ADAM12: variants seen among roughly 807,000 people sequenced by gnomAD.
The protein encoded by ADAM12 is ADAM metallopeptidase domain 12, also known as disintegrin and metalloproteinase domain-containing protein 12.
In ADAM12, 70 loss-of-function variants were observed where a neutral mutation model predicts 106.4. That is an observed-to-expected ratio of 0.66 (90% CI 0.54 to 0.80). The LOEUF is 0.80. Ranked by LOEUF, ADAM12 falls within the 30% of genes least tolerant of loss-of-function variation. The probability of loss-of-function intolerance (pLI) is 0.00; values close to 1 mark genes in which losing one functional copy is unlikely to be tolerated. For missense variants in ADAM12, 1,010 were observed against 1,171.9 expected, an observed-to-expected ratio of 0.86 and a Z score of 2.02; for synonymous variants, 420 against 433.5, an observed-to-expected ratio of 0.97 and a Z score of 0.39.
intron 3 of ADAM12, among the ~76,000 whole-genome samples, chr10:126,228,006 A>G (rs1008933159): frequency 1.3e-5 from 2 of 152,074 alleles, no homozygotes; most frequent in African/African-American, 4.8e-5. Flanking sequence ...CCCCTGGATC[A>G]GGGTATGTCT....
At chr10:126,255,610 C>A (rs781134590) in intron 3 of ADAM12, among the ~76,000 whole-genome samples, 5 of 152,216 alleles carry the variant, frequency 3.3e-5, no homozygotes, top group Non-Finnish European at 7.3e-5. Context: ...AATAGTACAA[C>A]CTCGCTTTAT....
chr10:126,118,926 C>T (rs909840578), intron 5 of ADAM12, among the ~76,000 whole-genome samples: 1 of 152,146 alleles, frequency 6.6e-6, no homozygotes, highest in African/African-American at 2.4e-5. Flanking sequence ...CCAAGTTGCT[C>T]CAAAAGCCAT....
intron 3 of ADAM12, among the ~76,000 whole-genome samples, chr10:126,183,370 G>T (rs1203569073): frequency 1.3e-5 from 2 of 152,182 alleles, no homozygotes; most frequent in Non-Finnish European, 2.9e-5. Context: ...CCTGGTGCTA[G>T]AAGGGTTGGG....
Position 126,016,148 on chromosome 10 carries a change from C to T in ADAM12, c.*1131G>A, listed in dbSNP as rs1466187211. On this transcript the variant is annotated 3_prime_UTR_variant, in exon 23 of 23. Coordinates refer to ENST00000448723, the MANE Select transcript of ADAM12 (RefSeq NM_001288973.2). The stretch of plus-strand genomic sequence containing the variant: ...GAGAAGGTTCTTTGTCCAATATCTA[C>T]GAATAATGATAGCAGACATGAACTA... 3.3e-5 allele frequency: 5 copies of T among 152,108 alleles called. No homozygotes were observed. The highest frequency in any genetic ancestry group is 2.1e-4 in the South Asian group (1 of 4,828). 9.4% of individuals were successfully genotyped at this position (152,108 alleles called of 1,614,324 possible).
At chr10:126,198,591 A>G (rs1006958666) in intron 3 of ADAM12, among the ~76,000 whole-genome samples, 1 of 152,184 alleles carries the variant, frequency 6.6e-6, no homozygotes, top group African/African-American at 2.4e-5. Flanking sequence ...ACAGAGATCC[A>G]GCACCTCCCC....
chr10:126,138,515 C>A (rs975804092), intron 4 of ADAM12, among the ~76,000 whole-genome samples: 26 of 152,300 alleles, frequency 1.7e-4, no homozygotes, highest in African/African-American at 6.0e-4. Context: ...ACTGGGATTA[C>A]AGGCACATGC....
In ADAM12 at chr10:126,043,240, C is replaced by G. The variant is rs939528848; in HGVS notation, c.1996-92G>C. 1.3e-5 allele frequency: 15 copies of G among 1,193,310 alleles called. No homozygotes were observed. Among genetic ancestry groups the G allele is most frequent in the East Asian group, 2.5e-5 (1 of 39,848 alleles). The allele number at this position is 1,193,310 out of a possible 1,614,324, so 73.9% of individuals were successfully genotyped here. On this transcript the variant is annotated intron_variant, in intron 17 of 22. Coordinates refer to ENST00000448723, the MANE Select transcript of ADAM12 (RefSeq NM_001288973.2). This position sits in a 1 kb window ranked among gnomAD's most constrained non-coding sequence, Gnocchi z 4.1. ...AAGGGGGGCCATGGTCAGAGCCCCC[C>G]CCCAACACTGACACAGCCAGACTCA...
chr10:126,367,865 A>G (rs1161942188), intron 1 of ADAM12, among the ~76,000 whole-genome samples: 2 of 151,996 alleles, frequency 1.3e-5, no homozygotes, highest in Non-Finnish European at 2.9e-5. Context: ...AGAGAGAAAT[A>G]ATAACAATCT....
At position 126,064,708 on chromosome 10, in the gene ADAM12, A is replaced by C; in HGVS notation, c.1609+98T>G. 7.7e-7 allele frequency: 1 copy of C among 1,304,028 alleles called. No homozygotes were observed. The highest frequency in any genetic ancestry group is 1.0e-6 in the Non-Finnish European group (1 of 954,406). 80.8% of individuals were successfully genotyped at this position (1,304,028 alleles called of 1,614,324 possible). The stretch of plus-strand genomic sequence containing the variant: ...GGATGCTGTGTGGACAGCGCCCGCC[A>C]GGAGTGGGGGCTAACCAAAACAGAG... On this transcript the variant is annotated intron_variant, in intron 14 of 22. Transcript: ENST00000448723. The surrounding 1 kb of genome is among the most constrained non-coding windows in gnomAD (Gnocchi z 4.4).
chr10:126,037,907 G>A (rs540752843), intron 20 of ADAM12, among the ~76,000 whole-genome samples: 115 of 152,358 alleles, frequency 7.5e-4, no homozygotes, highest in Non-Finnish European at 1.9e-4. Flanking sequence ...GGGGGCTGGT[G>A]TCAGGAGCCA....
At position 126,049,784 on chromosome 10, in the gene ADAM12, G is replaced by A; in HGVS notation, c.1610-115C>T. 1.1e-6 allele frequency: 1 copy of A among 925,604 alleles called. No homozygotes were observed. The highest frequency in any genetic ancestry group is 1.6e-6 in the Non-Finnish European group (1 of 615,840). The allele number at this position is 925,604 out of a possible 1,614,324, so 57.3% of individuals were successfully genotyped here. A position where few individuals can be genotyped will look rare whatever the true frequency, so the allele number is the denominator to read the frequency against. On this transcript the variant is annotated intron_variant, in intron 14 of 22. Coordinates refer to ENST00000448723, the MANE Select transcript of ADAM12 (RefSeq NM_001288973.2). The surrounding 1 kb of genome is among the most constrained non-coding windows in gnomAD (Gnocchi z 4.4). ...CGTGCTCAAAGCAATCACACCCAGT[G>A]TCTGTCCCGACTCATGGTGGGAGCT...
chr10:126,133,619 T>G (rs1956348588), intron 5 of ADAM12, among the ~76,000 whole-genome samples: 1 of 151,994 alleles, frequency 6.6e-6, no homozygotes, highest in Non-Finnish European at 1.5e-5. Flanking sequence ...TCAGACCACA[T>G]CACTTCAGCT....
rs557857678 is a variant in ADAM12 at position 126,164,974 on chromosome 10, C to T, written c.261-9669G>A. Among the ~76,000 whole-genome samples the T allele has an allele frequency of 2.6e-5, 4 of 152,314 alleles. No homozygotes were observed. The South Asian group carries it at 6.2e-4, about 24-fold the overall frequency. On this transcript the variant is annotated intron_variant, in intron 3 of 22. Transcript: ENST00000448723. ...GCTCAAACTTCTTTCAGAACCTTGT[C>T]TTTGCAAATATTTATGCTTCTTTTT... is the stretch of plus-strand genomic sequence containing the variant.
intron 13 of ADAM12, among the ~76,000 whole-genome samples, chr10:126,065,639 T>G (rs1427836637): frequency 1.3e-5 from 2 of 152,118 alleles, no homozygotes; most frequent in Admixed American, 1.3e-4. Context: ...GCTACACAGC[T>G]AGGGAACCCT....
At chr10:126,047,896 C>T (rs1401503261) in intron 16 of ADAM12, among the ~76,000 whole-genome samples, 2 of 152,148 alleles carry the variant, frequency 1.3e-5, no homozygotes, top group Non-Finnish European at 2.9e-5. Context: ...TCAAACTAAA[C>T]GTCCATCAAT....
chr10:126,239,972 C>A (rs1461616772), intron 3 of ADAM12, among the ~76,000 whole-genome samples: 1 of 152,180 alleles, frequency 6.6e-6, no homozygotes, highest in Non-Finnish European at 1.5e-5. Flanking sequence ...TGCCGTGCCC[C>A]CTGCCCTCCT....
chr10:126,222,675 G>A (rs189088196), intron 3 of ADAM12, among the ~76,000 whole-genome samples: 12 of 152,000 alleles, frequency 7.9e-5, no homozygotes, highest in Admixed American at 1.3e-4. Context: ...CTGCGTTTCC[G>A]GGGTGTTTTC....
chr10:126,039,754 G>C (rs1468144397), intron 18 of ADAM12, among the ~76,000 whole-genome samples: 1 of 152,198 alleles, frequency 6.6e-6, no homozygotes, highest in Non-Finnish European at 1.5e-5. Context: ...AAGGTAGCAG[G>C]GAGCCATCAC....
chr10:126,067,205 A>C (rs961179890), intron 12 of ADAM12, among the ~76,000 whole-genome samples: 2 of 152,252 alleles, frequency 1.3e-5, no homozygotes, highest in Admixed American at 6.5e-5. Context: ...ACATAGATGC[A>C]TACAATCTGT....
Sources: allele counts gnomAD v4.1 joint callset (sites outside exome capture counted in the v4.1 genomes callset), GRCh38; gene constraint gnomAD v4.1.1; non-coding constraint Gnocchi (gnomAD v3.1); transcripts MANE v1.5; gene names NCBI Gene and HGNC (gene_info 2026-07-23, HGNC 2026-07-21).